GRID2: variants seen among roughly 807,000 people sequenced by gnomAD.
GRID2 encodes glutamate receptor ionotropic, delta-2.
In GRID2, 33 loss-of-function variants were observed where a neutral mutation model predicts 114.8. That is an observed-to-expected ratio of 0.29 (90% CI 0.22 to 0.38). GRID2 has a LOEUF of 0.38. Among genes scored for constraint, GRID2 ranks in the 10% least tolerant of loss-of-function variants. The probability of loss-of-function intolerance (pLI) is 1.00; values close to 1 mark genes in which losing one functional copy is unlikely to be tolerated. For synonymous variants in GRID2, 505 were observed against 449.9 expected, an observed-to-expected ratio of 1.12 and a Z score of -1.55; for missense variants, 1,184 against 1,257.7, an observed-to-expected ratio of 0.94 and a Z score of 0.89.
At chr4:93,091,736 G>A (rs996591623) in intron 3 of GRID2, among the ~76,000 whole-genome samples, 1 of 151,988 alleles carries the variant, frequency 6.6e-6, no homozygotes, top group African/African-American at 2.4e-5. Context: ...CCCCACTTTG[G>A]CCTGCATGAA....
At chr4:93,075,791 A>G (rs1455616255) in intron 2 of GRID2, among the ~76,000 whole-genome samples, 2 of 152,030 alleles carry the variant, frequency 1.3e-5, no homozygotes. Flanking sequence ...TATTGCTTAA[A>G]TAAATTATTT....
intron 13 of GRID2, among the ~76,000 whole-genome samples, chr4:93,592,748 G>C (rs1402526273): frequency 1.3e-5 from 2 of 152,114 alleles, no homozygotes; most frequent in African/African-American, 4.8e-5. Context: ...CTCATGTATT[G>C]GGTGCATACA....
chr4:92,723,718 C>T (rs750367664), intron 2 of GRID2, among the ~76,000 whole-genome samples: 17 of 152,046 alleles, frequency 1.1e-4, no homozygotes, highest in Non-Finnish European at 2.4e-4. Flanking sequence ...AGGATGTAGC[C>T]ACTTTCCCTG....
At chr4:93,719,840 C>G (rs928105053) in intron 14 of GRID2, among the ~76,000 whole-genome samples, 3 of 152,148 alleles carry the variant, frequency 2.0e-5, no homozygotes, top group Non-Finnish European at 4.4e-5. Flanking sequence ...GCATCTTTTC[C>G]TGGACATTTC....
At chr4:93,667,757 G>A (rs1210421768) in intron 14 of GRID2, among the ~76,000 whole-genome samples, 2 of 151,976 alleles carry the variant, frequency 1.3e-5, no homozygotes, top group Non-Finnish European at 2.9e-5. Flanking sequence ...TTATAGGAGT[G>A]TTTATCCTGT....
chr4:93,658,469 T>G (rs1015211466), intron 14 of GRID2, among the ~76,000 whole-genome samples: 2 of 152,172 alleles, frequency 1.3e-5, no homozygotes, highest in African/African-American at 4.8e-5. Flanking sequence ...TTTATATACC[T>G]CTTGTTACTT....
intron 1 of GRID2, among the ~76,000 whole-genome samples, chr4:92,582,123 C>T (rs1028481892): frequency 2.0e-5 from 3 of 151,828 alleles, no homozygotes; most frequent in African/African-American, 7.2e-5. Context: ...CTGTACCTGG[C>T]CACAATTTGA....
intron 1 of GRID2, among the ~76,000 whole-genome samples, chr4:92,398,433 T>C (rs1472010569): frequency 6.6e-6 from 1 of 152,098 alleles, no homozygotes; most frequent in Non-Finnish European, 1.5e-5. Context: ...CCAGAGTAGC[T>C]GGGACTACAG....
chr4:92,693,770 C>T (rs914940994), intron 2 of GRID2, among the ~76,000 whole-genome samples: 3 of 152,152 alleles, frequency 2.0e-5, no homozygotes, highest in African/African-American at 7.2e-5. Context: ...TTTCATGGAA[C>T]TTAAATTATA....
In GRID2 at chr4:93,441,018, A is replaced by T. The variant is rs1721575112; in HGVS notation, c.1546-14644A>T. 1.3e-5 allele frequency among the ~76,000 whole-genome samples: 2 copies of T among 152,044 alleles called. 1 individual carries two copies. Among genetic ancestry groups the T allele is most frequent in the South Asian group, 4.1e-4 (2 of 4,828 alleles). ...GAACTTATAGACAAGGACAAACAAAACTTCAGTAAAATATTACAAATAAAA... is the reference window on the plus strand; with the variant it reads ...GAACTTATAGACAAGGACAAACAAATCTTCAGTAAAATATTACAAATAAAA... On this transcript the variant is annotated intron_variant, in intron 10 of 15. Transcript: ENST00000282020.
chr4:92,641,153 G>T (rs909352571), intron 2 of GRID2, among the ~76,000 whole-genome samples: 1 of 151,618 alleles, frequency 6.6e-6, no homozygotes, highest in Non-Finnish European at 1.5e-5. Context: ...CCAGTGCCTG[G>T]TATGGAGGAG....
intron 1 of GRID2, among the ~76,000 whole-genome samples, chr4:92,404,111 G>T (rs1485321113): frequency 1.3e-5 from 2 of 152,130 alleles, no homozygotes; most frequent in Non-Finnish European, 2.9e-5. Flanking sequence ...CGATAGATTT[G>T]CTCAATGAAG....
At chr4:92,308,009 A>T (rs1725500055) in intron 1 of GRID2, among the ~76,000 whole-genome samples, 1 of 152,194 alleles carries the variant, frequency 6.6e-6, no homozygotes, top group Admixed American at 6.5e-5. Flanking sequence ...AATGGCAATG[A>T]TACTGTGTTT....
intron 1 of GRID2, among the ~76,000 whole-genome samples, chr4:92,473,587 T>G (rs1250158302): frequency 6.6e-6 from 1 of 152,050 alleles, no homozygotes; most frequent in Non-Finnish European, 1.5e-5. Flanking sequence ...AAGTAATTTT[T>G]CTTCTATTTC....
At chr4:93,226,375 C>T (rs1024277678) in intron 7 of GRID2, among the ~76,000 whole-genome samples, 2 of 152,294 alleles carry the variant, frequency 1.3e-5, no homozygotes, top group East Asian at 1.9e-4. Context: ...ATAGGATAGA[C>T]ATTTCTATTC....
chr4:93,476,300 A>C (rs1419099941), intron 11 of GRID2, among the ~76,000 whole-genome samples: 1 of 152,154 alleles, frequency 6.6e-6, no homozygotes, highest in Non-Finnish European at 1.5e-5. Flanking sequence ...GAAATGTTAA[A>C]TATGGTGGAA....
At chr4:93,569,919 A>G (rs1368201822) in intron 13 of GRID2, among the ~76,000 whole-genome samples, 2 of 151,746 alleles carry the variant, frequency 1.3e-5, no homozygotes, top group Non-Finnish European at 2.9e-5. Flanking sequence ...TACTGCAGTT[A>G]TTTTCTTCAC....
chr4:92,917,567 C>G (rs1418839228), intron 2 of GRID2, among the ~76,000 whole-genome samples: 3 of 152,142 alleles, frequency 2.0e-5, no homozygotes, highest in Non-Finnish European at 4.4e-5. Context: ...CCATTTTGAG[C>G]TTTCTACATA....
intron 1 of GRID2, among the ~76,000 whole-genome samples, chr4:92,441,288 A>T (rs1733059233): frequency 6.6e-6 from 1 of 152,112 alleles, no homozygotes; most frequent in African/African-American, 2.4e-5. Context: ...CAGATGAGGA[A>T]GAAATTTGGG....
Sources: gnomAD v4.1 joint callset for allele counts (sites outside exome capture counted in the v4.1 genomes callset) on GRCh38, gnomAD v4.1.1 for gene constraint, MANE v1.5 for transcripts, NCBI Gene and HGNC (gene_info 2026-07-23, HGNC 2026-07-21) for gene names.